The following CPSF6 variants were observed in gnomAD, a reference collection of about 807,000 sequenced individuals.
The protein encoded by CPSF6 is cleavage and polyadenylation specific factor 6.
A neutral mutation model predicts 56.7 loss-of-function variants in CPSF6; 10 were observed. The observed-to-expected ratio is 0.18, with a 90% CI of 0.11 to 0.30. The LOEUF is 0.30. CPSF6 is among the 10% of genes least tolerant of loss of function. The pLI, the probability that CPSF6 is intolerant of heterozygous loss-of-function variation, is 1.00. For missense variants in CPSF6, 419 were observed against 722.9 expected (o/e 0.58, Z 4.82); for synonymous variants, 248 against 244.8 (o/e 1.01, Z -0.12).
chr12:69,241,955 G>A (rs1350742789), intron 1 of CPSF6, among the ~76,000 whole-genome samples: 1 of 150,508 alleles, frequency 6.6e-6, no homozygotes, highest in African/African-American at 2.4e-5. Context: ...CAAAAGGATA[G>A]TTGGTTATTT....
In CPSF6 at chr12:69,269,547, T is replaced by C; in HGVS notation, c.*39T>C. The C allele has an allele frequency of 2.2e-6, 1 of 452,518 alleles. No homozygotes were observed. Among genetic ancestry groups the C allele is most frequent in the Non-Finnish European group, 4.4e-6 (1 of 224,830 alleles). 28.0% of individuals were successfully genotyped at this position (452,518 alleles called of 1,614,324 possible). A position where few individuals can be genotyped will look rare whatever the true frequency, so the allele number is the denominator to read the frequency against. On this transcript the variant is annotated 3_prime_UTR_variant, in exon 10 of 10. Transcript: ENST00000435070. The stretch of plus-strand genomic sequence containing the variant: ...AGGATCACCTTCCAAGACAAAACAG[T>C]CTTCATGGGGGAAAAATGACGCTTG...
chr12:69,249,041 TC>T (rs1390367333), intron 1 of CPSF6, among the ~76,000 whole-genome samples: 1 of 150,776 alleles, frequency 6.6e-6, no homozygotes, highest in Admixed American at 6.6e-5. Context: ...GGTCAGGAGA[TC>T]AAGACCATCC....
intron 1 of CPSF6, among the ~76,000 whole-genome samples, chr12:69,242,072 C>G (rs1871651527): frequency 6.6e-6 from 1 of 152,060 alleles, no homozygotes; most frequent in African/African-American, 2.4e-5. Context: ...CTGATTTAAT[C>G]TTTACTAGCT....
intron 7 of CPSF6, 168 bp from the exon 8 acceptor site, chr12:69,259,876 T>C (rs1333769247): frequency 4.5e-6 from 1 of 224,028 alleles, no homozygotes; most frequent in Non-Finnish European, 7.5e-6. Flanking sequence ...ATCATGAGCA[T>C]GAAAGGCTTT....
chr12:69,255,914 T>G (rs1872489992), intron 3 of CPSF6, among the ~76,000 whole-genome samples: 1 of 152,204 alleles, frequency 6.6e-6, no homozygotes, highest in South Asian at 2.1e-4. Flanking sequence ...GGTTTTGATT[T>G]GCACTTCCCC....
intron 3 of CPSF6, among the ~76,000 whole-genome samples, chr12:69,253,840 G>C (rs963514571): frequency 5.9e-5 from 9 of 151,994 alleles, no homozygotes; most frequent in African/African-American, 2.2e-4. Flanking sequence ...TATCGTGGTG[G>C]TTTCCACTTT....
intron 8 of CPSF6, 119 bp downstream of exon 8, chr12:69,260,316 G>GT: frequency 1.4e-6 from 1 of 702,696 alleles, no homozygotes; most frequent in Admixed American, 4.2e-5. Flanking sequence ...AGCAGCTGGA[G>GT]TGGTTTTTTT....
intron 2 of CPSF6, chr12:69,251,975 T>C (rs1872263996): frequency 4.4e-6 from 2 of 454,952 alleles, no homozygotes; most frequent in South Asian, 3.1e-5. Flanking sequence ...GTTATATGTA[T>C]ACTTGAAAGT....
Position 69,260,126 on chromosome 12 carries a change from C to T in CPSF6, c.1398C>T (p.Cys466=), listed in dbSNP as rs766471613. The T allele has an allele frequency of 1.7e-5, 28 of 1,613,386 alleles. No homozygotes were observed. The highest frequency in any genetic ancestry group is 2.7e-5 in the African/African-American group (2 of 74,860). Residue 466 remains cysteine, a synonymous_variant, in exon 8 of 10, where the codon TGC becomes TGT. Transcript: ENST00000435070. ...KQSKVSADDR[C]KVLISSLQDC... ...CCAAAGTATCTGCTGATGATCGTTG[C>T]AAAGTTCTTATTAGTTCTTTGCAAG...
At chr12:69,246,933 G>GTA (rs1871937934) in intron 1 of CPSF6, among the ~76,000 whole-genome samples, 1 of 152,048 alleles carries the variant, frequency 6.6e-6, no homozygotes, top group African/African-American at 2.4e-5. Flanking sequence ...CAAAGTGGTG[G>GTA]GATTAACAGG....
In CPSF6 at chr12:69,274,108, A is replaced by ATTTTTTTTTTT. The variant is rs1873390076; in HGVS notation, c.*4600_*4601insTTTTTTTTTTT. 1 of 45,584 alleles carries ATTTTTTTTTTT rather than the reference A, an allele frequency of 2.2e-5. No homozygotes were observed. Among genetic ancestry groups the ATTTTTTTTTTT allele is most frequent in the African/African-American group, 1.1e-4 (1 of 8,860 alleles). 2.8% of individuals were successfully genotyped at this position (45,584 alleles called of 1,614,324 possible). ...GGTAAGGTGATAATTGATCTAATAG[A>ATTTTTTTTTTT]CTTTTTTTTTTTTTTTTTTGCTGTC... On this transcript the variant is annotated 3_prime_UTR_variant, in exon 10 of 10. Coordinates refer to ENST00000435070, the MANE Select transcript of CPSF6 (RefSeq NM_007007.3).
intron 9 of CPSF6, among the ~76,000 whole-genome samples, chr12:69,263,947 C>T (rs529669386): frequency 6.0e-4 from 92 of 152,112 alleles, no homozygotes; most frequent in Middle Eastern, 6.8e-3. Flanking sequence ...AATCTCAAAA[C>T]ATTCTTTTAA....
At chr12:69,253,009 G>T in intron 2 of CPSF6, 42 bp from the exon 3 acceptor site, 1 of 1,121,474 alleles carries the variant, frequency 8.9e-7, no homozygotes, top group Non-Finnish European at 1.3e-6. Context: ...TAAAAATCTT[G>T]GTTTTATTTT....
At chr12:69,264,608 T>G (rs1872887879) in intron 9 of CPSF6, among the ~76,000 whole-genome samples, 1 of 152,184 alleles carries the variant, frequency 6.6e-6, no homozygotes, top group Non-Finnish European at 1.5e-5. Context: ...GTTTTGTTTG[T>G]ACATTAATCA....
rs2120664665 is a variant in CPSF6, at chr12:69,271,046, T to C, written c.*1538T>C. 6.6e-6 allele frequency: 1 copy of C among 152,030 alleles called. No individual in the cohort carries two copies. The highest frequency in any genetic ancestry group is 2.4e-5 in the African/African-American group (1 of 41,548). 9.4% of individuals were successfully genotyped at this position (152,030 alleles called of 1,614,324 possible). A position where few individuals can be genotyped will look rare whatever the true frequency, so the allele number is the denominator to read the frequency against. ...GAAACCCTCCAGAAATTTCCACTGCTGTTCTTCACTTTCATCTTGTCTGCT... is the reference window on the plus strand; with the variant it reads ...GAAACCCTCCAGAAATTTCCACTGCCGTTCTTCACTTTCATCTTGTCTGCT... On this transcript the variant is annotated 3_prime_UTR_variant, in exon 10 of 10. Transcript: ENST00000435070.
intron 3 of CPSF6, among the ~76,000 whole-genome samples, chr12:69,253,994 AG>A (rs1185361340): frequency 1.3e-5 from 2 of 152,166 alleles, no homozygotes; most frequent in African/African-American, 4.8e-5. Flanking sequence ...TTATCTTAGA[AG>A]ATTATACCAA....
At position 69,270,282 on chromosome 12, in the gene CPSF6, A is replaced by G. The variant is rs1271288269; in HGVS notation, c.*774A>G. ...AGAGATTTGACAGACATAGCAATCT[A>G]GTCAATGTGTAAGGGGTCAAAAAAA... On this transcript the variant is annotated 3_prime_UTR_variant, in exon 10 of 10. Transcript: ENST00000435070. The G allele has an allele frequency of 1.3e-5, 2 of 152,206 alleles. No homozygotes were observed. Among genetic ancestry groups the G allele is most frequent in the African/African-American group, 2.4e-5 (1 of 41,432 alleles). The allele number at this position is 152,206 out of a possible 1,614,324, so 9.4% of individuals were successfully genotyped here.
intron 1 of CPSF6, among the ~76,000 whole-genome samples, chr12:69,248,431 G>A (rs958915319): frequency 2.6e-5 from 4 of 152,176 alleles, no homozygotes; most frequent in South Asian, 2.1e-4. Flanking sequence ...GTTCAGAACC[G>A]GATTGCAAGA....
chr12:69,259,790 C>T (rs549235937), intron 7 of CPSF6, among the ~76,000 whole-genome samples: 1 of 152,244 alleles, frequency 6.6e-6, no homozygotes, highest in African/African-American at 2.4e-5. Flanking sequence ...GGTTCAGGGG[C>T]CTCATGACAC....
Sources: allele counts gnomAD v4.1 joint callset (sites outside exome capture counted in the v4.1 genomes callset), GRCh38; gene constraint gnomAD v4.1.1; transcripts MANE v1.5; gene names NCBI Gene and HGNC (gene_info 2026-07-23, HGNC 2026-07-21).